Variants in PDE4D observed in about 807,000 individuals in gnomAD.
The protein encoded by PDE4D is phosphodiesterase 4D, also known as 3',5'-cyclic-AMP phosphodiesterase 4D.
Under a neutral mutation model 87.4 loss-of-function variants are expected in PDE4D, and 24 were observed. That is an observed-to-expected ratio of 0.27 (90% CI 0.20 to 0.39). The LOEUF (loss-of-function observed/expected upper bound fraction) is 0.39. Ranked by LOEUF, PDE4D falls within the 10% of genes least tolerant of loss-of-function variation. The probability of loss-of-function intolerance (pLI) is 1.00; values close to 1 mark genes in which losing one functional copy is unlikely to be tolerated. For synonymous variants in PDE4D, 384 were observed against 383.2 expected (o/e 1.00, Z -0.02); for missense variants, 714 against 1,041.0 (o/e 0.69, Z 4.32).
intron 1 of PDE4D, among the ~76,000 whole-genome samples, chr5:59,807,804 C>T (rs1482907873): frequency 6.6e-6 from 1 of 152,166 alleles, no homozygotes; most frequent in South Asian, 2.1e-4. Flanking sequence ...GGCTGATTTA[C>T]AACTTTTAAA....
chr5:59,375,546 A>G (rs933415612), intron 1 of PDE4D, among the ~76,000 whole-genome samples: 4 of 152,172 alleles, frequency 2.6e-5, no homozygotes, highest in Non-Finnish European at 5.9e-5. Flanking sequence ...TCAGTAATAA[A>G]TAGCCTACCA....
chr5:59,224,731 C>T (rs753008643), intron 1 of PDE4D, among the ~76,000 whole-genome samples: 1 of 152,086 alleles, frequency 6.6e-6, no homozygotes, highest in Non-Finnish European at 1.5e-5. Flanking sequence ...GGATGAGGCC[C>T]TAATCCAATA....
intron 1 of PDE4D, among the ~76,000 whole-genome samples, chr5:60,341,820 G>A (rs1426962125): frequency 6.6e-6 from 1 of 152,068 alleles, no homozygotes; most frequent in Non-Finnish European, 1.5e-5. Flanking sequence ...AGTAATTATA[G>A]GATGCTGGAG....
At chr5:59,502,344 T>A (rs898319222) in intron 1 of PDE4D, among the ~76,000 whole-genome samples, 1 of 152,130 alleles carries the variant, frequency 6.6e-6, no homozygotes, top group Non-Finnish European at 1.5e-5. Context: ...CTTTCAGATT[T>A]AAAGCACTCA....
chr5:59,598,546 T>A (rs978474595), intron 1 of PDE4D, among the ~76,000 whole-genome samples: 4 of 152,146 alleles, frequency 2.6e-5, no homozygotes, highest in Non-Finnish European at 4.4e-5. Context: ...ACTCACTGAT[T>A]AGAGGCACAG....
intron 2 of PDE4D, among the ~76,000 whole-genome samples, chr5:60,060,231 A>G (rs1352558678): frequency 6.6e-6 from 1 of 152,072 alleles, no homozygotes; most frequent in Non-Finnish European, 1.5e-5. Context: ...CTTTGATAAA[A>G]TTCTTTTAAA....
chr5:60,146,999 C>A (rs1451671409), intron 2 of PDE4D, among the ~76,000 whole-genome samples: 1 of 152,064 alleles, frequency 6.6e-6, no homozygotes, highest in African/African-American at 2.4e-5. Flanking sequence ...GAAGAGGGAA[C>A]CCTTGTACCC....
At chr5:60,471,727 G>A (rs1319002751) in intron 1 of PDE4D, among the ~76,000 whole-genome samples, 1 of 152,106 alleles carries the variant, frequency 6.6e-6, no homozygotes, top group Non-Finnish European at 1.5e-5. Context: ...TTAAATTAAG[G>A]TATGTACTTT....
chr5:60,233,415 G>A (rs1295429702), intron 1 of PDE4D, among the ~76,000 whole-genome samples: 1 of 151,574 alleles, frequency 6.6e-6, no homozygotes, highest in Non-Finnish European at 1.5e-5. Context: ...ATAGAACTGT[G>A]GTTCTCTAAT....
intron 1 of PDE4D, among the ~76,000 whole-genome samples, chr5:60,229,426 C>A (rs1029334468): frequency 6.6e-6 from 1 of 152,042 alleles, no homozygotes; most frequent in African/African-American, 2.4e-5. Context: ...CTGAGATTAG[C>A]CTAAGATGCT....
intron 1 of PDE4D, among the ~76,000 whole-genome samples, chr5:59,707,001 T>C (rs1207629961): frequency 6.6e-6 from 1 of 152,228 alleles, no homozygotes; most frequent in East Asian, 1.9e-4. Context: ...TGTAAGGTTT[T>C]ATAGCAGAAC....
intron 1 of PDE4D, chr5:59,217,923 A>T (rs1015951377): frequency 5.0e-5 from 21 of 422,314 alleles, no homozygotes; most frequent in African/African-American, 4.3e-4. Context: ...GATATGCTTA[A>T]ATAGGCATTT....
intron 5 of PDE4D, among the ~76,000 whole-genome samples, chr5:59,175,568 G>A (rs551967765): frequency 7.9e-6 from 1 of 126,200 alleles, no homozygotes; most frequent in Non-Finnish European, 1.6e-5. Context: ...TGCAACCTCC[G>A]CCCTCAGAGT....
intron 2 of PDE4D, among the ~76,000 whole-genome samples, chr5:60,078,813 T>C (rs879337700): frequency 1.5e-4 from 23 of 152,240 alleles, no homozygotes; most frequent in Admixed American, 8.5e-4. Context: ...TGGTTCCATG[T>C]CTTTGCTATT....
intron 1 of PDE4D, among the ~76,000 whole-genome samples, chr5:59,714,811 G>A (rs530103784): frequency 9.8e-5 from 15 of 152,298 alleles, no homozygotes; most frequent in African/African-American, 3.4e-4. Context: ...ATTTAGAAGC[G>A]GCAATGCTCC....
intron 1 of PDE4D, among the ~76,000 whole-genome samples, chr5:60,413,925 C>T (rs16878037): frequency 0.057 from 8,694 of 152,246 alleles, 339 homozygotes; most frequent in East Asian, 0.15. Flanking sequence ...TTCAGGTTCA[C>T]TTTGTCAAAC....
intron 5 of PDE4D, among the ~76,000 whole-genome samples, chr5:59,161,059 C>T (rs1317625911): frequency 1.3e-5 from 2 of 152,196 alleles, no homozygotes; most frequent in East Asian, 3.9e-4. Flanking sequence ...TGCGCCATTG[C>T]ACTCCAGCCT....
intron 3 of PDE4D, among the ~76,000 whole-genome samples, chr5:59,959,884 G>T (rs1759274115): frequency 6.6e-6 from 1 of 152,068 alleles, no homozygotes; most frequent in African/African-American, 2.4e-5. Flanking sequence ...AACAGCAAAA[G>T]AAACTATCAA....
intron 1 of PDE4D, among the ~76,000 whole-genome samples, chr5:60,388,252 G>A (rs1284433520): frequency 1.3e-5 from 2 of 152,026 alleles, no homozygotes; most frequent in African/African-American, 4.8e-5. Context: ...TGGACAAAAA[G>A]TGCATGATCT....
Sources: gnomAD v4.1 joint callset for allele counts (sites outside exome capture counted in the v4.1 genomes callset) on GRCh38, gnomAD v4.1.1 for gene constraint, MANE v1.5 for transcripts, NCBI Gene and HGNC (gene_info 2026-07-23, HGNC 2026-07-21) for gene names.